FAR2: variants seen among roughly 807,000 people sequenced by gnomAD.
The protein encoded by FAR2 is epididymis secretory protein Li 81.
A neutral mutation model predicts 56.0 loss-of-function variants in FAR2; 19 were observed. The observed-to-expected ratio is 0.34, with a 90% CI of 0.24 to 0.50. The LOEUF is 0.50. Ranked by LOEUF, FAR2 falls within the 20% of genes least tolerant of loss-of-function variation. FAR2 has a pLI of 0.98. For synonymous variants in FAR2, 219 were observed against 218.8 expected (o/e 1.00, Z -0.01); for missense variants, 508 against 642.2 (o/e 0.79, Z 2.26).
At chr12:29,221,087 TAAC>T (rs1351851388) in intron 1 of FAR2, among the ~76,000 whole-genome samples, 1 of 152,026 alleles carries the variant, frequency 6.6e-6, no homozygotes, top group Non-Finnish European at 1.5e-5. Flanking sequence ...ACAACTCCAA[TAAC>T]TGGTAACAAC....
At chr12:29,221,154 G>C (rs995583126) in intron 1 of FAR2, among the ~76,000 whole-genome samples, 3 of 152,076 alleles carry the variant, frequency 2.0e-5, no homozygotes, top group South Asian at 2.1e-4. Context: ...AAAATCAGCC[G>C]CTTTACCTCT....
intron 1 of FAR2, among the ~76,000 whole-genome samples, chr12:29,160,944 C>T (rs954317405): frequency 2.0e-5 from 3 of 152,018 alleles, no homozygotes; most frequent in African/African-American, 7.3e-5. Context: ...ACAATTCAAC[C>T]CATAACACCC....
intron 8 of FAR2, among the ~76,000 whole-genome samples, chr12:29,316,271 A>C (rs1302004166): frequency 6.6e-6 from 1 of 152,212 alleles, no homozygotes; most frequent in Non-Finnish European, 1.5e-5. Context: ...ATAATATAAA[A>C]AGAAAAATAC....
At chr12:29,221,078 C>T (rs1445263501) in intron 1 of FAR2, among the ~76,000 whole-genome samples, 2 of 151,962 alleles carry the variant, frequency 1.3e-5, no homozygotes, top group East Asian at 3.9e-4. Context: ...AGCGTGCGTA[C>T]AACTCCAATA....
At chr12:29,182,096 C>T (rs575002498) in intron 1 of FAR2, among the ~76,000 whole-genome samples, 9 of 152,268 alleles carry the variant, frequency 5.9e-5, no homozygotes, top group East Asian at 5.8e-4. Context: ...CTATTGTGTG[C>T]AGAGTTGGTT....
At chr12:29,323,073 C>T (rs550936128) in intron 10 of FAR2, among the ~76,000 whole-genome samples, 7 of 152,364 alleles carry the variant, frequency 4.6e-5, no homozygotes, top group South Asian at 2.1e-4. Context: ...GCTCTTCCAA[C>T]GGGCTTAACA....
chr12:29,283,864 T>C (rs1352794575), intron 2 of FAR2, among the ~76,000 whole-genome samples: 2 of 152,244 alleles, frequency 1.3e-5, no homozygotes, highest in African/African-American at 2.4e-5. Context: ...GTGCAATTGA[T>C]ATTTTAGCTT....
chr12:29,247,446 T>C (rs1432035430), intron 1 of FAR2, among the ~76,000 whole-genome samples: 1 of 152,184 alleles, frequency 6.6e-6, no homozygotes, highest in East Asian at 1.9e-4. Flanking sequence ...ATTTGTGCAA[T>C]GATGTTGTAG....
chr12:29,318,155 T>G (rs527978827), intron 9 of FAR2, among the ~76,000 whole-genome samples: 6 of 152,366 alleles, frequency 3.9e-5, no homozygotes, highest in African/African-American at 1.4e-4. Flanking sequence ...GGAGGAAGTC[T>G]TCTTCAGCGT....
At chr12:29,291,564 G>A (rs1948968029) in intron 2 of FAR2, 1 of 428,066 alleles carries the variant, frequency 2.3e-6, no homozygotes, top group Non-Finnish European at 4.7e-6. Context: ...GGGGGACTTG[G>A]TGTGAAATAC....
rs758508850 is a variant in FAR2 at position 29,194,683 on chromosome 12, G to T, written c.-39+45276G>T. Among the ~76,000 whole-genome samples, 84 of 152,192 alleles carry T rather than the reference G, an allele frequency of 5.5e-4. 1 individual carries two copies. The highest frequency in any genetic ancestry group is 6.8e-3 in the Middle Eastern group (2 of 292). On this transcript the variant is annotated intron_variant, in intron 1 of 11. Transcript: ENST00000536681. ...GATAAAATTAAAGGAGACTGGCTTT[G>T]GGTTTTAATGTGGTTAAGGGACAGG...
chr12:29,178,903 C>G (rs1178792047), intron 1 of FAR2, among the ~76,000 whole-genome samples: 1 of 152,160 alleles, frequency 6.6e-6, no homozygotes, highest in African/African-American at 2.4e-5. Flanking sequence ...TCTCACAGTT[C>G]TGGAGGCTAG....
intron 1 of FAR2, among the ~76,000 whole-genome samples, chr12:29,253,428 T>A (rs1470452318): frequency 6.6e-6 from 1 of 151,168 alleles, no homozygotes. Context: ...GATAGATAGA[T>A]ATGTATGTAT....
chr12:29,188,463 TGG>T (rs1381218458), intron 1 of FAR2, among the ~76,000 whole-genome samples: 70 of 141,322 alleles, frequency 5.0e-4, no homozygotes, highest in African/African-American at 2.1e-3. Context: ...TTTGATAATT[TGG>T]GGATAATTTG....
At chr12:29,188,856 T>G (rs1032368419) in intron 1 of FAR2, among the ~76,000 whole-genome samples, 3 of 152,100 alleles carry the variant, frequency 2.0e-5, no homozygotes, top group Admixed American at 6.5e-5. Flanking sequence ...GTCTGAGGTT[T>G]ATCTGATGTT....
intron 1 of FAR2, among the ~76,000 whole-genome samples, chr12:29,160,542 C>A (rs776091399): frequency 1.3e-5 from 2 of 152,176 alleles, no homozygotes; most frequent in Non-Finnish European, 2.9e-5. Flanking sequence ...GTTACTTAAC[C>A]TTTCAGTCTT....
Position 29,332,654 on chromosome 12 carries a change from G to A in FAR2, c.1312G>A (p.Val438Ile), listed in dbSNP as rs1949747592. Residue 438 changes from valine to isoleucine, a missense_variant, in exon 11 of 12, where the codon GTT becomes ATT. Val to Ile is a conservative substitution (Grantham distance 29, BLOSUM62 3). Transcript: ENST00000536681. ...LNWLEYIENYVLGVKKYLLKE... is the reference protein window; with the variant it reads ...LNWLEYIENYILGVKKYLLKE... ...CTGGTTGGAATACATTGAAAATTAT[G>A]TTTTGGGAGTTAAAAAATACTTATT... The A allele has an allele frequency of 1.2e-6, 2 of 1,613,806 alleles. No individual in the cohort carries two copies. The highest frequency in any genetic ancestry group is 1.7e-6 in the Non-Finnish European group (2 of 1,179,798).
chr12:29,152,596 T>C (rs1949690289), intron 1 of FAR2, among the ~76,000 whole-genome samples: 1 of 152,208 alleles, frequency 6.6e-6, no homozygotes, highest in South Asian at 2.1e-4. Flanking sequence ...AAGGGATGAA[T>C]GGAGATTCGT....
At position 29,259,422 on chromosome 12, in the gene FAR2, G is replaced by A. The variant is rs190257447; in HGVS notation, c.-38-10990G>A. Among the ~76,000 whole-genome samples the A allele has an allele frequency of 9.9e-5, 15 of 152,264 alleles. No homozygotes were observed. In the East Asian group the frequency reaches 2.7e-3, roughly 27 times the overall value. ...AATCATCTTGTTTCTTTTCAAAAAT[G>A]TTTCTCTCCAGTGGACTACGAAGAC... On this transcript the variant is annotated intron_variant, in intron 1 of 11. Coordinates refer to ENST00000536681, the MANE Select transcript of FAR2 (RefSeq NM_001271783.2).
Sources: allele counts gnomAD v4.1 joint callset (sites outside exome capture counted in the v4.1 genomes callset), GRCh38; gene constraint gnomAD v4.1.1; transcripts MANE v1.5; gene names NCBI Gene and HGNC (gene_info 2026-07-23, HGNC 2026-07-21).